Variants in CNBD1 observed in about 807,000 individuals in gnomAD.
CNBD1 encodes cyclic nucleotide-binding domain-containing protein 1.
Under a neutral mutation model 54.4 loss-of-function variants are expected in CNBD1, and 71 were observed. That is an observed-to-expected ratio of 1.30 (90% CI 1.08 to 1.59). The LOEUF (loss-of-function observed/expected upper bound fraction) is 1.59. Among genes scored for constraint, CNBD1 ranks in the 40% most tolerant of loss-of-function variants. The pLI is 0.00. For missense variants in CNBD1, 659 were observed against 518.0 expected, an observed-to-expected ratio of 1.27 and a Z score of -2.64; for synonymous variants, 182 against 170.7, an observed-to-expected ratio of 1.07 and a Z score of -0.51.
rs146522078 is a variant in CNBD1, at chr8:87,295,849, A to C, written c.1042+9178A>C. 1.0e-3 allele frequency among the ~76,000 whole-genome samples: 155 copies of C among 152,252 alleles called. 2 individuals carry two copies. In the East Asian group the frequency reaches 0.025, roughly 24 times the overall value. The stretch of plus-strand genomic sequence containing the variant: ...AATAAATTTGAAACTTTTTTCTCTA[A>C]GCAAACCAAATATGTGAACATTTAA... On this transcript the variant is annotated intron_variant, in intron 8 of 10. Coordinates refer to ENST00000518476, the MANE Select transcript of CNBD1 (RefSeq NM_173538.3).
intron 2 of CNBD1, among the ~76,000 whole-genome samples, chr8:87,388,177 C>T (rs1225281817): frequency 1.3e-5 from 2 of 152,130 alleles, no homozygotes; most frequent in Non-Finnish European, 2.9e-5. Flanking sequence ...GACACCCTAA[C>T]ATCACAATTA....
At chr8:86,880,680 G>A (rs986985989) in intron 1 of CNBD1, among the ~76,000 whole-genome samples, 2 of 152,098 alleles carry the variant, frequency 1.3e-5, no homozygotes, top group Non-Finnish European at 2.9e-5. Context: ...GAAGAGGAAA[G>A]GGTAGAATAA....
intron 4 of CNBD1, among the ~76,000 whole-genome samples, chr8:87,091,519 C>T (rs1811202400): frequency 6.6e-6 from 1 of 152,166 alleles, no homozygotes; most frequent in Non-Finnish European, 1.5e-5. Context: ...CATTTTGTCT[C>T]AGGGAACTAG....
chr8:87,381,773 A>C (rs1811079498), intron 10 of CNBD1, among the ~76,000 whole-genome samples: 1 of 151,922 alleles, frequency 6.6e-6, no homozygotes, highest in Admixed American at 6.6e-5. Context: ...AAACCTGACC[A>C]CTCATACGAG....
chr8:87,420,580 T>C (rs928281968), intron 2 of CNBD1, among the ~76,000 whole-genome samples: 1 of 152,102 alleles, frequency 6.6e-6, no homozygotes, highest in African/African-American at 2.4e-5. Flanking sequence ...TCACTTACAG[T>C]TACTTGAGGT....
chr8:87,412,130 C>A (rs1188020145), intron 2 of CNBD1, among the ~76,000 whole-genome samples: 1 of 151,746 alleles, frequency 6.6e-6, no homozygotes, highest in Non-Finnish European at 1.5e-5. Flanking sequence ...GAGTTTTTTT[C>A]ATTTTTCACT....
rs558551806 is a variant in CNBD1 at position 87,117,413 on chromosome 8, A to G, written c.432-88580A>G. Among the ~76,000 whole-genome samples, 7 of 151,890 alleles carry G rather than the reference A, an allele frequency of 4.6e-5. No individual in the cohort carries two copies. The East Asian group carries it at 9.7e-4, about 21-fold the overall frequency. ...GATTCCGTCTCAAAAAAAAAAAAAAAAAGAACTGAGAACACATCAGATATG... is the reference window on the plus strand; with the variant it reads ...GATTCCGTCTCAAAAAAAAAAAAAAGAAGAACTGAGAACACATCAGATATG... On this transcript the variant is annotated intron_variant, in intron 4 of 10. Coordinates refer to ENST00000518476, the MANE Select transcript of CNBD1 (RefSeq NM_173538.3).
downstream of CNBD1, among the ~76,000 whole-genome samples, chr8:87,385,122 A>C (rs1811156179): frequency 6.6e-6 from 1 of 152,116 alleles, no homozygotes; most frequent in Non-Finnish European, 1.5e-5. Context: ...AGTCCATGTA[A>C]AAGATAATGA....
chr8:87,373,536 C>T (rs966598690), intron 10 of CNBD1, among the ~76,000 whole-genome samples: 4 of 151,760 alleles, frequency 2.6e-5, no homozygotes, highest in Non-Finnish European at 5.9e-5. Context: ...TTAAATGTAA[C>T]TTGTTTTTCA....
intron 2 of CNBD1, among the ~76,000 whole-genome samples, chr8:86,900,596 T>C (rs903882044): frequency 2.6e-5 from 4 of 152,146 alleles, no homozygotes; most frequent in African/African-American, 9.7e-5. Flanking sequence ...TAATAGACTA[T>C]AAACAGTGGG....
At chr8:87,067,346 G>A (rs1199813491) in intron 4 of CNBD1, among the ~76,000 whole-genome samples, 2 of 151,840 alleles carry the variant, frequency 1.3e-5, no homozygotes, top group Non-Finnish European at 2.9e-5. Context: ...TTATAATTGT[G>A]CAGTTATTAT....
chr8:87,261,982 C>CA (rs71277922), intron 6 of CNBD1, among the ~76,000 whole-genome samples: 49,889 of 128,366 alleles, frequency 0.39, 9,781 homozygotes, highest in Non-Finnish European at 0.49. Context: ...TCTGTCTTTA[C>CA]AAAAAAAAAA....
chr8:87,151,337 A>C (rs1337036405), intron 4 of CNBD1, among the ~76,000 whole-genome samples: 1 of 152,204 alleles, frequency 6.6e-6, no homozygotes, highest in Non-Finnish European at 1.5e-5. Flanking sequence ...TTATCAGTGA[A>C]CAAAATGTTC....
chr8:87,423,887 C>T (rs1807992201), intron 2 of CNBD1, among the ~76,000 whole-genome samples: 1 of 152,202 alleles, frequency 6.6e-6, no homozygotes, highest in Admixed American at 6.5e-5. Flanking sequence ...TAGAATTTGG[C>T]TGTGAAGCCA....
chr8:87,134,855 C>T (rs1261880808), intron 4 of CNBD1, among the ~76,000 whole-genome samples: 7 of 151,670 alleles, frequency 4.6e-5, no homozygotes, highest in Non-Finnish European at 7.4e-5. Context: ...GTGATCTGCC[C>T]GCCTCAGCCT....
intron 4 of CNBD1, among the ~76,000 whole-genome samples, chr8:87,193,168 G>A (rs966854940): frequency 5.9e-5 from 9 of 151,996 alleles, no homozygotes; most frequent in African/African-American, 9.7e-5. Flanking sequence ...AAATTCTCAG[G>A]GATATTAAAG....
At chr8:87,015,195 G>A (rs911104357) in intron 4 of CNBD1, among the ~76,000 whole-genome samples, 28 of 152,084 alleles carry the variant, frequency 1.8e-4, no homozygotes, top group South Asian at 2.1e-4. Context: ...GGGAGGGGGC[G>A]AACGGAGTCT....
At chr8:86,962,107 G>T (rs551021790) in intron 4 of CNBD1, among the ~76,000 whole-genome samples, 1 of 151,812 alleles carries the variant, frequency 6.6e-6, no homozygotes, top group Non-Finnish European at 1.5e-5. Flanking sequence ...GAAAACAGAG[G>T]TTTTTTTCAA....
At chr8:87,284,010 A>G (rs577230330) in intron 6 of CNBD1, among the ~76,000 whole-genome samples, 1 of 152,136 alleles carries the variant, frequency 6.6e-6, no homozygotes, top group East Asian at 1.9e-4. Context: ...AAGTTTTCCC[A>G]TATCATCTTA....
Sources: gnomAD v4.1 joint callset for allele counts (sites outside exome capture counted in the v4.1 genomes callset) on GRCh38, gnomAD v4.1.1 for gene constraint, MANE v1.5 for transcripts, NCBI Gene and HGNC (gene_info 2026-07-23, HGNC 2026-07-21) for gene names.